The following GPC6 variants were observed in gnomAD, a reference collection of about 807,000 sequenced individuals.
GPC6 encodes glypican 6, also known as glypican-6.
GPC6 carries 14 observed loss-of-function variants against 55.2 expected under a neutral mutation model. The observed-to-expected ratio is 0.25, with a 90% CI of 0.17 to 0.40. The LOEUF (loss-of-function observed/expected upper bound fraction) is 0.40. GPC6 is among the 10% of genes least tolerant of loss of function. GPC6 has a pLI of 1.00. For synonymous variants in GPC6, 278 were observed against 259.6 expected, an observed-to-expected ratio of 1.07 and a Z score of -0.68; for missense variants, 641 against 708.5, an observed-to-expected ratio of 0.90 and a Z score of 1.08.
intron 2 of GPC6, among the ~76,000 whole-genome samples, chr13:93,723,371 C>A (rs1047879912): frequency 1.3e-5 from 2 of 151,898 alleles, no homozygotes; most frequent in Non-Finnish European, 2.9e-5. Context: ...GGTGTGCATA[C>A]CCTGCTGTAA....
intron 4 of GPC6, among the ~76,000 whole-genome samples, chr13:94,255,786 G>C (rs1001314346): frequency 1.3e-5 from 2 of 152,110 alleles, no homozygotes; most frequent in African/African-American, 4.8e-5. Flanking sequence ...TGAGACCTGG[G>C]CATCAGTTTG....
In GPC6 at chr13:93,705,255, A is replaced by G. The variant is rs1012110598; in HGVS notation, c.320-124899A>G. Among the ~76,000 whole-genome samples, 3 of 151,964 alleles carry G rather than the reference A, an allele frequency of 2.0e-5. No homozygotes were observed. The East Asian group carries it at 5.8e-4, about 30-fold the overall frequency. ...TAGTTAATCTATAGGTTTGGTCTCGATAAGTGCTGCCAAAGTGTAGTTTGC... is the reference window on the plus strand; with the variant it reads ...TAGTTAATCTATAGGTTTGGTCTCGGTAAGTGCTGCCAAAGTGTAGTTTGC... On this transcript the variant is annotated intron_variant, in intron 2 of 8. Transcript: ENST00000377047.
intron 3 of GPC6, among the ~76,000 whole-genome samples, chr13:93,962,525 G>A (rs1025298821): frequency 3.3e-5 from 5 of 151,866 alleles, no homozygotes; most frequent in Admixed American, 2.0e-4. Context: ...AATATCTGCC[G>A]AAAGACTGAA....
At chr13:93,862,399 T>C (rs1052266499) in intron 3 of GPC6, among the ~76,000 whole-genome samples, 4 of 151,256 alleles carry the variant, frequency 2.6e-5, no homozygotes, top group African/African-American at 9.7e-5. Flanking sequence ...AGTTCATATT[T>C]AGGGGGGTTA....
chr13:94,074,243 TAA>T (rs1011054168), intron 4 of GPC6, among the ~76,000 whole-genome samples: 1 of 151,164 alleles, frequency 6.6e-6, no homozygotes, highest in African/African-American at 2.4e-5. Context: ...AATAGCTCAG[TAA>T]AAAAAAATAC....
rs750686398 is a variant in GPC6, at chr13:94,079,203, T to A, written c.877+51309T>A. Among the ~76,000 whole-genome samples, 7 of 152,142 alleles carry A rather than the reference T, an allele frequency of 4.6e-5. No homozygotes were observed. The East Asian group carries it at 1.2e-3, about 25-fold the overall frequency. On this transcript the variant is annotated intron_variant, in intron 4 of 8. Transcript: ENST00000377047. ...TATGAAGGATTTGAGAAATGGCGGA[T>A]TTTTATATTTCACGGATCCTGGAAC...
chr13:93,826,665 G>C (rs561965232), intron 2 of GPC6, among the ~76,000 whole-genome samples: 2 of 152,256 alleles, frequency 1.3e-5, no homozygotes, highest in African/African-American at 4.8e-5. Context: ...GTAGACTGTA[G>C]AGAGCCTCTT....
intron 5 of GPC6, among the ~76,000 whole-genome samples, chr13:94,288,747 A>G (rs1170440823): frequency 7.9e-6 from 1 of 126,142 alleles, no homozygotes; most frequent in Non-Finnish European, 1.6e-5. Context: ...AAATATATAT[A>G]TAATATATAT....
At chr13:93,992,122 G>GT (rs1881338151) in intron 3 of GPC6, among the ~76,000 whole-genome samples, 1 of 150,730 alleles carries the variant, frequency 6.6e-6, no homozygotes, top group South Asian at 2.1e-4. Context: ...GTGTATATAT[G>GT]TTTTTATGAA....
intron 4 of GPC6, among the ~76,000 whole-genome samples, chr13:94,255,079 A>T (rs755290657): frequency 2.6e-5 from 4 of 152,188 alleles, no homozygotes; most frequent in Non-Finnish European, 5.9e-5. Context: ...CAGGTAGTAA[A>T]TGTTACCAGT....
At chr13:93,834,425 T>C (rs1233830084) in intron 3 of GPC6, among the ~76,000 whole-genome samples, 1 of 152,196 alleles carries the variant, frequency 6.6e-6, no homozygotes, top group East Asian at 1.9e-4. Flanking sequence ...ATATATGTAG[T>C]AAAACTCCAA....
chr13:93,628,148 T>C (rs1227723172), intron 2 of GPC6, among the ~76,000 whole-genome samples: 2 of 152,196 alleles, frequency 1.3e-5, no homozygotes, highest in African/African-American at 2.4e-5. Flanking sequence ...AGTTAGTTGA[T>C]TGCATGATTG....
chr13:94,380,387 G>A (rs987331254), intron 6 of GPC6, among the ~76,000 whole-genome samples: 2 of 152,058 alleles, frequency 1.3e-5, no homozygotes, highest in Non-Finnish European at 2.9e-5. Flanking sequence ...TGGACACTAC[G>A]TAGAACAAAT....
chr13:93,618,545 A>AG (rs1878819684), intron 2 of GPC6, among the ~76,000 whole-genome samples: 1 of 152,074 alleles, frequency 6.6e-6, no homozygotes. Context: ...GCTTAGCAAA[A>AG]CAGATGTCCA....
chr13:93,217,202 C>T, the GPC6 span, among the ~76,000 whole-genome samples: 1 of 152,160 alleles, frequency 6.6e-6, no homozygotes. Context: ...CAAATTATAT[C>T]CTTTGTAAGT....
chr13:94,154,091 G>A (rs947569876), intron 4 of GPC6: 11 of 152,046 alleles, frequency 7.2e-5, no homozygotes, highest in African/African-American at 2.2e-4. Context: ...GGAACTTGAA[G>A]GTAATCAAAC....
At chr13:93,541,361 A>C (rs1178488757) in intron 1 of GPC6, among the ~76,000 whole-genome samples, 1 of 132,304 alleles carries the variant, frequency 7.6e-6, no homozygotes, top group Non-Finnish European at 1.6e-5. Flanking sequence ...TGAACTCATC[A>C]TTTTTTATGG....
chr13:94,007,096 G>A (rs1353507408), intron 3 of GPC6, among the ~76,000 whole-genome samples: 1 of 152,142 alleles, frequency 6.6e-6, no homozygotes, highest in Non-Finnish European at 1.5e-5. Context: ...TCTCCAAAAT[G>A]ACTTCCTAAA....
chr13:93,386,757 A>G (rs1450594759), intron 1 of GPC6, among the ~76,000 whole-genome samples: 5 of 152,228 alleles, frequency 3.3e-5, no homozygotes, highest in African/African-American at 4.8e-5. Flanking sequence ...TTTGGAGACC[A>G]GAAATCAGAA....
Sources: allele counts gnomAD v4.1 joint callset (sites outside exome capture counted in the v4.1 genomes callset), GRCh38; gene constraint gnomAD v4.1.1; transcripts MANE v1.5; gene names NCBI Gene and HGNC (gene_info 2026-07-23, HGNC 2026-07-21).